GBE1: variants seen among roughly 807,000 people sequenced by gnomAD.
GBE1 encodes the protein 1,4-alpha-glucan branching enzyme 1.
In GBE1, 70 loss-of-function variants were observed where a neutral mutation model predicts 88.8. The ratio of observed to expected loss-of-function variants is 0.79; its 90% CI spans 0.65 to 0.96. The LOEUF (loss-of-function observed/expected upper bound fraction) is 0.96, where lower values mean the gene tolerates loss of function less well. GBE1 is among the 40% of genes least tolerant of loss of function. The probability of loss-of-function intolerance (pLI) is 0.00; values close to 1 mark genes in which losing one functional copy is unlikely to be tolerated. For missense variants in GBE1, 872 were observed against 871.0 expected, an observed-to-expected ratio of 1.00 and a Z score of -0.01; for synonymous variants, 284 against 300.1, an observed-to-expected ratio of 0.95 and a Z score of 0.56.
intron 7 of GBE1, among the ~76,000 whole-genome samples, chr3:81,622,374 T>C: frequency 6.6e-6 from 1 of 152,222 alleles, no homozygotes; most frequent in East Asian, 1.9e-4. Flanking sequence ...TTCACCTGCA[T>C]ATCCTTCTTT....
At chr3:81,705,419 T>C in intron 2 of GBE1, 25 bp downstream of exon 2, 1 of 1,488,760 alleles carries the variant, frequency 6.7e-7, no homozygotes. Flanking sequence ...TATTACTATT[T>C]AGTTCAATGC....
chr3:81,520,571 A>T (rs916071494), intron 14 of GBE1, among the ~76,000 whole-genome samples: 8 of 151,568 alleles, frequency 5.3e-5, no homozygotes, highest in African/African-American at 1.7e-4. Flanking sequence ...CCACTAAAGA[A>T]ATATAATAAT....
intron 12 of GBE1, among the ~76,000 whole-genome samples, chr3:81,544,101 C>A (rs1267914203): frequency 6.6e-6 from 1 of 152,000 alleles, no homozygotes; most frequent in Non-Finnish European, 1.5e-5. Flanking sequence ...TGTGAAAGAA[C>A]CATTCACTAT....
At chr3:81,564,188 A>C (rs1703459566) in intron 12 of GBE1, among the ~76,000 whole-genome samples, 1 of 152,120 alleles carries the variant, frequency 6.6e-6, no homozygotes, top group African/African-American at 2.4e-5. Flanking sequence ...CCATGTGAGG[A>C]TACAATGCCC....
chr3:81,532,830 C>T lies in GBE1; in HGVS notation c.1934+2365G>A, dbSNP rs536168836. ...CTGTCCATTATCTAAGAATAGTCTA[C>T]GATTTCTAATAGCTGAAATGGCTTT... is the stretch of plus-strand genomic sequence containing the variant. On this transcript the variant is annotated intron_variant, in intron 14 of 15. Coordinates refer to ENST00000429644, the MANE Select transcript of GBE1 (RefSeq NM_000158.4). Among the ~76,000 whole-genome samples the T allele has an allele frequency of 4.6e-5, 7 of 152,168 alleles. No individual in the cohort carries two copies. In the South Asian group the frequency reaches 8.3e-4, roughly 18 times the overall value.
At chr3:81,509,287 GGTTT>G (rs1218795535) in intron 14 of GBE1, among the ~76,000 whole-genome samples, 2 of 145,064 alleles carry the variant, frequency 1.4e-5, no homozygotes, top group African/African-American at 5.0e-5. Context: ...TAAATTTTAG[GGTTT>G]GTCTTTTTTT....
chr3:81,604,806 C>A (rs374787298), intron 7 of GBE1, among the ~76,000 whole-genome samples: 1 of 152,018 alleles, frequency 6.6e-6, no homozygotes, highest in Non-Finnish European at 1.5e-5. Context: ...CTGAAATGTT[C>A]AAATAATAGA....
intron 12 of GBE1, among the ~76,000 whole-genome samples, chr3:81,576,240 C>T (rs2106931152): frequency 6.6e-6 from 1 of 151,600 alleles, no homozygotes; most frequent in Non-Finnish European, 1.5e-5. Flanking sequence ...ACTTATTATA[C>T]ATGATAACTA....
intron 15 of GBE1, among the ~76,000 whole-genome samples, chr3:81,496,252 A>G (rs967304735): frequency 6.6e-6 from 1 of 152,198 alleles, no homozygotes; most frequent in Non-Finnish European, 1.5e-5. Context: ...TAGCAAATAC[A>G]TTTCAATGGC....
chr3:81,546,109 A>T (rs533743780), intron 12 of GBE1, among the ~76,000 whole-genome samples: 1 of 152,250 alleles, frequency 6.6e-6, no homozygotes, highest in South Asian at 2.1e-4. Context: ...TAAAGGAAAA[A>T]AAACAGTGTA....
intron 12 of GBE1, among the ~76,000 whole-genome samples, chr3:81,559,423 C>A (rs1703390677): frequency 6.6e-6 from 1 of 151,476 alleles, no homozygotes; most frequent in African/African-American, 2.4e-5. Flanking sequence ...TCCTCCCTAC[C>A]TACTCCCTCA....
intron 1 of GBE1, among the ~76,000 whole-genome samples, chr3:81,711,671 C>T (rs1705868095): frequency 6.6e-6 from 1 of 152,156 alleles, no homozygotes; most frequent in Non-Finnish European, 1.5e-5. Flanking sequence ...GGATTAAAGA[C>T]TTAAATGTTA....
chr3:81,671,709 T>G (rs1455037947), intron 2 of GBE1, among the ~76,000 whole-genome samples: 4 of 152,058 alleles, frequency 2.6e-5, no homozygotes, highest in Admixed American at 6.6e-5. Flanking sequence ...AACCATAAAA[T>G]GCTTAGAAGA....
chr3:81,552,709 T>C (rs1047213972), intron 12 of GBE1, among the ~76,000 whole-genome samples: 5 of 152,088 alleles, frequency 3.3e-5, no homozygotes, highest in Admixed American at 1.3e-4. Context: ...ATTACTGTAT[T>C]GAAGGGTAAT....
chr3:81,630,738 C>T (rs552867456), intron 7 of GBE1, among the ~76,000 whole-genome samples: 3 of 152,112 alleles, frequency 2.0e-5, no homozygotes, highest in Non-Finnish European at 4.4e-5. Context: ...ACGTCAAATA[C>T]CTTGTTTCTC....
At chr3:81,574,991 T>C (rs1703625566) in intron 12 of GBE1, among the ~76,000 whole-genome samples, 1 of 151,876 alleles carries the variant, frequency 6.6e-6, no homozygotes, top group Admixed American at 6.6e-5. Flanking sequence ...GGTGAAACAC[T>C]GTCTCTACTA....
intron 12 of GBE1, among the ~76,000 whole-genome samples, chr3:81,569,215 T>C (rs1703537466): frequency 6.6e-6 from 1 of 152,092 alleles, no homozygotes; most frequent in Non-Finnish European, 1.5e-5. Flanking sequence ...TTAGCACTAA[T>C]AAGGGTAAAC....
intron 12 of GBE1, among the ~76,000 whole-genome samples, chr3:81,576,250 A>G (rs972039069): frequency 1.3e-5 from 2 of 151,778 alleles, no homozygotes; most frequent in Non-Finnish European, 2.9e-5. Context: ...CATGATAACT[A>G]TAATAATCAT....
At chr3:81,503,732 T>G (rs1006314953) in intron 14 of GBE1, among the ~76,000 whole-genome samples, 3 of 152,148 alleles carry the variant, frequency 2.0e-5, no homozygotes, top group Non-Finnish European at 2.9e-5. Context: ...TAGATCTGAT[T>G]ACTTTACTCT....
Sources: gnomAD v4.1 joint callset for allele counts (sites outside exome capture counted in the v4.1 genomes callset) on GRCh38, gnomAD v4.1.1 for gene constraint, MANE v1.5 for transcripts, NCBI Gene and HGNC (gene_info 2026-07-23, HGNC 2026-07-21) for gene names.